The following MEP1B variants were observed in gnomAD, a reference collection of about 807,000 sequenced individuals.
The protein encoded by MEP1B is meprin A subunit beta, also known as N-benzoyl-L-tyrosyl-P-amino-benzoic acid hydrolase subunit beta.
A neutral mutation model predicts 84.6 loss-of-function variants in MEP1B; 80 were observed. The ratio of observed to expected loss-of-function variants is 0.95; its 90% CI spans 0.79 to 1.14. The LOEUF (loss-of-function observed/expected upper bound fraction) is 1.14, where lower values mean the gene tolerates loss of function less well. Ranked by LOEUF, MEP1B falls within the 50% of genes most tolerant of loss-of-function variation. The pLI, the probability that MEP1B is intolerant of heterozygous loss-of-function variation, is 0.00. For synonymous variants in MEP1B, 273 were observed against 288.1 expected (o/e 0.95, Z 0.53); for missense variants, 766 against 855.1 (o/e 0.90, Z 1.30).
intron 12 of MEP1B, 64 bp downstream of exon 12, chr18:32,215,325 C>G: frequency 9.1e-7 from 1 of 1,097,400 alleles, no homozygotes; most frequent in Non-Finnish European, 1.3e-6. Flanking sequence ...TGATTATTTT[C>G]TGTTTTTCTT....
At chr18:32,202,764 T>C (rs1478024942) in intron 5 of MEP1B, 129 bp from the exon 6 acceptor site, 2 of 614,070 alleles carry the variant, frequency 3.3e-6, no homozygotes, top group African/African-American at 1.9e-5. Context: ...TTTGTAAAAA[T>C]AAAAGACTCA....
In MEP1B at chr18:32,217,786, T is replaced by A. The variant is rs747335387; in HGVS notation, c.1912T>A (p.Tyr638Asn). 3 of 1,613,652 alleles carry A rather than the reference T, an allele frequency of 1.9e-6. No individual in the cohort carries two copies. Among genetic ancestry groups the A allele is most frequent in the South Asian group, 1.1e-5 (1 of 91,020 alleles). ...GTGCCAGTCAGGGGAAGACTGGTGG[T>A]ACATGGGAGAAAGGTGTGAAAAGAG... ...CRCQSGEDWWYMGERCEKRGS... is the reference protein window; with the variant it reads ...CRCQSGEDWWNMGERCEKRGS... Residue 638 changes from tyrosine to asparagine, a missense_variant, in exon 14 of 15, where the codon TAC (tyrosine) becomes AAC (asparagine). Transcript: ENST00000269202.
In MEP1B at chr18:32,196,168, C is replaced by G. The variant is rs1465346061; in HGVS notation, c.250+683C>G. 1.6e-6 allele frequency: 1 copy of G among 618,490 alleles called. No homozygotes were observed. Among genetic ancestry groups the G allele is most frequent in the Non-Finnish European group, 3.0e-6 (1 of 329,594 alleles). 38.3% of individuals were successfully genotyped at this position (618,490 alleles called of 1,614,324 possible). A position where few individuals can be genotyped will look rare whatever the true frequency, so the allele number is the denominator to read the frequency against. ...TCTGCTGGCCTTCTGGAGCTGGTGT[C>G]ACTGCGCCACCTCGGCTTTCAGACT... On this transcript the variant is annotated intron_variant, in intron 5 of 14. Coordinates refer to ENST00000269202, the MANE Select transcript of MEP1B (RefSeq NM_005925.3). The surrounding 1 kb of genome is among the most constrained non-coding windows in gnomAD (Gnocchi z 4.4).
intron 1 of MEP1B, 142 bp downstream of exon 1, chr18:32,190,275 A>G: frequency 1.5e-6 from 1 of 655,144 alleles, no homozygotes; most frequent in Non-Finnish European, 2.6e-6. Flanking sequence ...CTTGGAGATT[A>G]GGGGTGGGCA....
At chr18:32,212,949 C>G (rs562575230) in intron 10 of MEP1B, among the ~76,000 whole-genome samples, 167 bp from the exon 11 acceptor site, 11 of 152,140 alleles carry the variant, frequency 7.2e-5, no homozygotes, top group Non-Finnish European at 1.5e-4. Flanking sequence ...ACAGAAGCAC[C>G]TTGAAGTAAA....
At chr18:32,206,284 A>G (rs1277371830) in intron 7 of MEP1B, among the ~76,000 whole-genome samples, 1 of 151,812 alleles carries the variant, frequency 6.6e-6, no homozygotes. Context: ...CTTTTTAATG[A>G]CTCCTCTGTA....
At chr18:32,197,150 A>T (rs1304030110) in intron 5 of MEP1B, among the ~76,000 whole-genome samples, 3 of 152,232 alleles carry the variant, frequency 2.0e-5, no homozygotes, top group African/African-American at 7.2e-5. Flanking sequence ...TCCTCTTTTC[A>T]TACAGTAAAT....
chr18:32,207,217 G>T, intron 7 of MEP1B, 35 bp from the exon 8 acceptor site: 1 of 1,415,722 alleles, frequency 7.1e-7, no homozygotes, highest in South Asian at 1.2e-5. Context: ...TGAATTTTGT[G>T]AACATCAAGT....
At chr18:32,201,260 T>C (rs934157964) in intron 5 of MEP1B, among the ~76,000 whole-genome samples, 6 of 151,496 alleles carry the variant, frequency 4.0e-5, no homozygotes, top group African/African-American at 9.7e-5. Context: ...ATGATACTTA[T>C]AGGACAGAAC....
At chr18:32,203,190 T>C in intron 6 of MEP1B, 180 bp downstream of exon 6, 1 of 516,228 alleles carries the variant, frequency 1.9e-6, no homozygotes. Context: ...TATATTCCCA[T>C]ACATGTAACC....
At chr18:32,218,808 T>C (rs1039821957) in intron 14 of MEP1B, among the ~76,000 whole-genome samples, 4 of 151,944 alleles carry the variant, frequency 2.6e-5, no homozygotes, top group African/African-American at 9.7e-5. Context: ...AGAGGGGGCA[T>C]AAAATTGGGC....
At chr18:32,217,321 T>A (rs926285749) in intron 13 of MEP1B, among the ~76,000 whole-genome samples, 19 of 152,236 alleles carry the variant, frequency 1.2e-4, no homozygotes, top group African/African-American at 4.1e-4. Flanking sequence ...ACAATTTTTT[T>A]ATGAAAAAAA....
At chr18:32,211,322 T>C (rs950844736) in intron 10 of MEP1B, among the ~76,000 whole-genome samples, 3 of 152,024 alleles carry the variant, frequency 2.0e-5, no homozygotes, top group South Asian at 2.1e-4. Context: ...AAAAATACAA[T>C]GTGAACTAGC....
chr18:32,202,630 G>A (rs1313888287), intron 5 of MEP1B, among the ~76,000 whole-genome samples: 1 of 152,172 alleles, frequency 6.6e-6, no homozygotes, highest in African/African-American at 2.4e-5. Flanking sequence ...AGGTAAAGAT[G>A]CATTTTTATT....
rs749512355 is a variant in MEP1B, at chr18:32,213,175, A to C, written c.1195A>C (p.Arg399=). 1 of 1,613,922 alleles carries C rather than the reference A, an allele frequency of 6.2e-7. No individual in the cohort carries two copies. Among genetic ancestry groups the C allele is most frequent in the Admixed American group, 1.7e-5 (1 of 60,002 alleles). The change falls in exon 11 of 15, where the codon AGA becomes CGA. Residue 399 remains arginine, a synonymous_variant. Coordinates refer to ENST00000269202, the MANE Select transcript of MEP1B (RefSeq NM_005925.3). ...HVTLKVTKKF[R]VVFEGRKGSG... is the part of the protein sequence containing the mutation. ...AACATTGAAAGTGACCAAGAAGTTT[A>C]GAGTGGTGTTTGAAGGACGCAAAGG...
At chr18:32,199,496 G>A (rs182022952) in intron 5 of MEP1B, among the ~76,000 whole-genome samples, 373 of 151,356 alleles carry the variant, frequency 2.5e-3, no homozygotes, top group Non-Finnish European at 4.2e-3. Flanking sequence ...AGTAGTTAGC[G>A]GGGTTGGAAG....
In MEP1B at chr18:32,213,269, A is replaced by T. The variant is rs749550674; in HGVS notation, c.1289A>T (p.His430Leu). ...CTTTCGGAAACACGGTGCCCTCATCATATCTGGCATATAAGGAATTTCACA... is the reference window on the plus strand; with the variant it reads ...CTTTCGGAAACACGGTGCCCTCATCTTATCTGGCATATAAGGAATTTCACA... ...INLSETRCPHHIWHIRNFTQF... is the reference protein window; with the variant it reads ...INLSETRCPHLIWHIRNFTQF... The change falls in exon 11 of 15, where the codon CAT (histidine) becomes CTT (leucine). Residue 430 changes from histidine to leucine, a missense_variant. His to Leu is a moderately conservative substitution (Grantham distance 99). Coordinates refer to ENST00000269202, the MANE Select transcript of MEP1B (RefSeq NM_005925.3). 1.4e-5 allele frequency: 23 copies of T among 1,614,012 alleles called. No homozygotes were observed. The highest frequency in any genetic ancestry group is 4.4e-5 in the South Asian group (4 of 91,080).
intron 9 of MEP1B, among the ~76,000 whole-genome samples, chr18:32,208,513 C>T (rs1454096924): frequency 3.3e-5 from 5 of 152,160 alleles, no homozygotes; most frequent in African/African-American, 9.7e-5. Context: ...TCTACCAGTG[C>T]GTTCCCATAG....
At position 32,204,309 on chromosome 18, in the gene MEP1B, C is replaced by A; in HGVS notation, c.496C>A (p.Arg166Ser). Residue 166 changes from arginine to serine, a missense_variant, in exon 7 of 15, where the codon CGT becomes AGT. Transcript: ENST00000269202. ...HALGFWHEQS[R>S]SDRDDYVRIM... is the part of the protein sequence containing the mutation. ...TCTGGGATTCTGGCATGAGCAGTCG[C>A]GTTCTGACCGGGATGACTATGTCAG... 6.2e-7 allele frequency: 1 copy of A among 1,603,212 alleles called. No homozygotes were observed.
Sources: gnomAD v4.1 joint callset for allele counts (sites outside exome capture counted in the v4.1 genomes callset) on GRCh38, gnomAD v4.1.1 for gene constraint, Gnocchi (gnomAD v3.1) non-coding constraint, MANE v1.5 for transcripts, NCBI Gene and HGNC (gene_info 2026-07-23, HGNC 2026-07-21) for gene names.